Variants in DNAH6 observed in about 807,000 individuals in gnomAD.
DNAH6 encodes the protein axonemal beta dynein heavy chain 6.
DNAH6 carries 340 observed loss-of-function variants against 491.4 expected under a neutral mutation model. The observed-to-expected ratio is 0.69, with a 90% confidence interval of 0.63 to 0.76. The LOEUF (loss-of-function observed/expected upper bound fraction) is 0.76. Ranked by LOEUF, DNAH6 falls within the 30% of genes least tolerant of loss-of-function variation. The pLI is 0.00. For missense variants in DNAH6, 4,443 were observed against 4,972.2 expected, an observed-to-expected ratio of 0.89 and a Z score of 3.20; for synonymous variants, 1,603 against 1,686.1, an observed-to-expected ratio of 0.95 and a Z score of 1.21.
chr2:84,604,304 A>C, intron 18 of DNAH6, 35 bp from the exon 19 acceptor site: 20 of 1,494,112 alleles, frequency 1.3e-5, no homozygotes, highest in Non-Finnish European at 1.8e-5. Context: ...TTTAAGATAA[A>C]AAGCTTCATG....
intron 59 of DNAH6, among the ~76,000 whole-genome samples, chr2:84,719,659 C>T (rs777101081): frequency 4.6e-5 from 7 of 151,884 alleles, no homozygotes; most frequent in Non-Finnish European, 1.0e-4. Context: ...TACAAATGCA[C>T]GCCACTACGC....
intron 12 of DNAH6, among the ~76,000 whole-genome samples, chr2:84,574,281 T>A (rs1012777802): frequency 1.3e-5 from 2 of 152,118 alleles, no homozygotes; most frequent in African/African-American, 4.8e-5. Flanking sequence ...AATTTTTTCT[T>A]TATGTTTTTA....
chr2:84,519,640 T>A (rs1339244637), intron 2 of DNAH6, among the ~76,000 whole-genome samples: 2 of 144,068 alleles, frequency 1.4e-5, no homozygotes, highest in African/African-American at 2.6e-5. Context: ...TTCTTTCCCC[T>A]CCTCTTCCTT....
intron 5 of DNAH6, among the ~76,000 whole-genome samples, chr2:84,545,227 C>A (rs1295819614): frequency 1.3e-5 from 2 of 152,086 alleles, no homozygotes; most frequent in Non-Finnish European, 1.5e-5. Context: ...AGACTGTTAT[C>A]AACATGCCAG....
intron 26 of DNAH6, among the ~76,000 whole-genome samples, chr2:84,622,747 G>A (rs746394461): frequency 1.1e-4 from 16 of 152,118 alleles, no homozygotes; most frequent in East Asian, 9.7e-4. Flanking sequence ...TTGAGGAGCC[G>A]GCATATTGTT....
chr2:84,773,649 T>G (rs1325862126), intron 64 of DNAH6, among the ~76,000 whole-genome samples: 1 of 152,090 alleles, frequency 6.6e-6, no homozygotes, highest in African/African-American at 2.4e-5. Flanking sequence ...CCAAACTGCT[T>G]TTTAAAGTGG....
In DNAH6 at chr2:84,814,279, A is replaced by G. The variant is rs142807971; in HGVS notation, c.12150+157A>G. Among the ~76,000 whole-genome samples, 210 of 152,378 alleles carry G rather than the reference A, an allele frequency of 1.4e-3. 1 individual carries two copies. Among genetic ancestry groups the G allele is most frequent in the East Asian group, 4.4e-3 (23 of 5,192 alleles). ...CACCTCCAAGATAAGCTCCCCAATTAGCAATGACCAGATGGGAACTGCCTA... is the reference window on the plus strand; with the variant it reads ...CACCTCCAAGATAAGCTCCCCAATTGGCAATGACCAGATGGGAACTGCCTA... On this transcript the variant is annotated intron_variant, in intron 75 of 76. Transcript: ENST00000389394.
At chr2:84,614,741 C>G (rs1686678915) in intron 22 of DNAH6, among the ~76,000 whole-genome samples, 1 of 152,020 alleles carries the variant, frequency 6.6e-6, no homozygotes, top group Non-Finnish European at 1.5e-5. Context: ...AGGGTGGTAT[C>G]GCATTGTGGT....
intron 18 of DNAH6, among the ~76,000 whole-genome samples, chr2:84,598,199 T>TCTTC: frequency 6.7e-6 from 1 of 148,692 alleles, no homozygotes; most frequent in East Asian, 2.0e-4. Flanking sequence ...TTTCTTTCTT[T>TCTTC]CTTTCTTTCT....
At chr2:84,625,129 A>G in intron 29 of DNAH6, 66 bp downstream of exon 29, 1 of 1,364,164 alleles carries the variant, frequency 7.3e-7, no homozygotes, top group South Asian at 1.8e-5. Context: ...TTGCAACATG[A>G]CATAACAAAA....
chr2:84,818,939 G>A (rs1373032513), intron 76 of DNAH6, among the ~76,000 whole-genome samples: 1 of 152,088 alleles, frequency 6.6e-6, no homozygotes, highest in Non-Finnish European at 1.5e-5. Flanking sequence ...CAGGCATGGT[G>A]GTACGCACCT....
chr2:84,592,955 G>A (rs1302066407), intron 16 of DNAH6, among the ~76,000 whole-genome samples: 1 of 151,990 alleles, frequency 6.6e-6, no homozygotes, highest in Non-Finnish European at 1.5e-5. Context: ...AGTTGTTCTA[G>A]GTGTATAAAG....
intron 33 of DNAH6, among the ~76,000 whole-genome samples, chr2:84,646,253 T>C (rs1417044148): frequency 2.0e-5 from 3 of 152,194 alleles, no homozygotes; most frequent in Non-Finnish European, 2.9e-5. Context: ...AATTGATAAA[T>C]GTGTGTGCTC....
chr2:84,725,306 A>G (rs1211398287), intron 60 of DNAH6, among the ~76,000 whole-genome samples: 1 of 152,216 alleles, frequency 6.6e-6, no homozygotes, highest in Non-Finnish European at 1.5e-5. Context: ...TATTTCCAGG[A>G]AAGAATGGAA....
chr2:84,508,377 G>A, the DNAH6 span, among the ~76,000 whole-genome samples: 1 of 152,200 alleles, frequency 6.6e-6, no homozygotes, highest in Non-Finnish European at 1.5e-5. Context: ...AGTATTCTCT[G>A]ATGGCAGTTT....
intron 62 of DNAH6, among the ~76,000 whole-genome samples, chr2:84,739,202 G>C (rs962967439): frequency 3.3e-5 from 5 of 152,120 alleles, no homozygotes; most frequent in African/African-American, 1.2e-4. Flanking sequence ...TGAAAAGTCT[G>C]TTTTTAGTCT....
rs141998776 is a variant in DNAH6 at position 84,688,606 on chromosome 2, A to G, written c.7292+13A>G. 182 of 1,514,878 alleles carry G rather than the reference A, an allele frequency of 1.2e-4. No homozygotes were observed. In the East Asian group the frequency reaches 3.3e-3, roughly 28 times the overall value. The allele number at this position is 1,514,878 out of a possible 1,614,324, so 93.8% of individuals were successfully genotyped here. A position where few individuals can be genotyped will look rare whatever the true frequency, so the allele number is the denominator to read the frequency against. Reference sequence around the variant, plus strand: ...AACATGTTTCAAGGTATAGTGCTATAAGGCGCCCAATAATGCATTGATTTA... The same window carrying G: ...AACATGTTTCAAGGTATAGTGCTATGAGGCGCCCAATAATGCATTGATTTA... On this transcript the variant is annotated intron_variant, in intron 45 of 76. Coordinates refer to ENST00000389394, the MANE Select transcript of DNAH6 (RefSeq NM_001370.2).
At chr2:84,817,495 T>C (rs1360179624) in intron 76 of DNAH6, among the ~76,000 whole-genome samples, 4 of 152,026 alleles carry the variant, frequency 2.6e-5, no homozygotes, top group Non-Finnish European at 5.9e-5. Flanking sequence ...TAGCCAGGTG[T>C]GGTATCATGT....
At chr2:84,658,916 TA>T in intron 36 of DNAH6, 109 bp from the exon 37 acceptor site, 1 of 662,450 alleles carries the variant, frequency 1.5e-6, no homozygotes, top group Non-Finnish European at 2.4e-6. Flanking sequence ...TGTGCCCATT[TA>T]AAAATGTGTG....
Sources: allele counts gnomAD v4.1 joint callset (sites outside exome capture counted in the v4.1 genomes callset), GRCh38; gene constraint gnomAD v4.1.1; transcripts MANE v1.5; gene names NCBI Gene and HGNC (gene_info 2026-07-23, HGNC 2026-07-21).